Variants in OMA1 observed in about 807,000 individuals in gnomAD.
OMA1 encodes the protein metalloendopeptidase OMA1, mitochondrial.
OMA1 carries 38 observed loss-of-function variants against 30.9 expected under a neutral mutation model. That is an observed-to-expected ratio of 1.23 (90% CI 0.95 to 1.61). The LOEUF (loss-of-function observed/expected upper bound fraction) is 1.61. OMA1 is among the 40% of genes most tolerant of loss of function. The probability of loss-of-function intolerance (pLI) is 0.00; values close to 1 mark genes in which losing one functional copy is unlikely to be tolerated. For synonymous variants in OMA1, 173 were observed against 121.9 expected (o/e 1.42, Z -2.76); for missense variants, 461 against 349.2 (o/e 1.32, Z -2.55).
At chr1:58,501,190 G>T (rs1645901465) in intron 8 of OMA1, among the ~76,000 whole-genome samples, 1 of 152,034 alleles carries the variant, frequency 6.6e-6, no homozygotes, top group African/African-American at 2.4e-5. Context: ...TGGATCACAA[G>T]ATTATATTTA....
chr1:58,510,141 C>G (rs954241600), intron 7 of OMA1, among the ~76,000 whole-genome samples: 2 of 135,738 alleles, frequency 1.5e-5, no homozygotes, highest in Admixed American at 1.4e-4. Flanking sequence ...TTTTATGAGG[C>G]CAGCCATTAC....
intron 7 of OMA1, among the ~76,000 whole-genome samples, chr1:58,506,818 T>C (rs1645997144): frequency 6.6e-6 from 1 of 152,146 alleles, no homozygotes; most frequent in African/African-American, 2.4e-5. Context: ...TACCCAATTT[T>C]CTCAATGTAT....
At chr1:58,538,256 C>G (rs984344685) in intron 2 of OMA1, among the ~76,000 whole-genome samples, 2 of 151,748 alleles carry the variant, frequency 1.3e-5, no homozygotes, top group African/African-American at 4.8e-5. Flanking sequence ...TAAAGGATCA[C>G]CAAGGAAAAA....
chr1:58,536,208 C>T (rs1039518872), intron 3 of OMA1, among the ~76,000 whole-genome samples: 2 of 152,084 alleles, frequency 1.3e-5, no homozygotes, highest in African/African-American at 4.8e-5. Flanking sequence ...ATGAAGGATA[C>T]CTCCTAGGGC....
rs1449117017 is a variant in OMA1, at chr1:58,527,302, C to G, written c.1174G>C (p.Glu392Gln). Residue 392 changes from glutamate to glutamine, a missense_variant, in exon 7 of 9, where the codon GAG becomes CAG. Physicochemically the swap from Glu to Gln is conservative, Grantham distance 29. Coordinates refer to ENST00000371226, the MANE Select transcript of OMA1 (RefSeq NM_145243.5). ...MFNRPYSRKL[E>Q]AEADKIGLLL... ...AGTCCAATTTTGTCAGCTTCGGCCTCCAATTTTCTGCTGTATGGTCTATTA... is the reference window on the plus strand; with the variant it reads ...AGTCCAATTTTGTCAGCTTCGGCCTGCAATTTTCTGCTGTATGGTCTATTA... The G allele has an allele frequency of 1.1e-6, 1 of 872,122 alleles. No individual in the cohort carries two copies. Among genetic ancestry groups the G allele is most frequent in the African/African-American group, 1.6e-5 (1 of 61,276 alleles). 54.0% of individuals were successfully genotyped at this position (872,122 alleles called of 1,614,324 possible).
At chr1:58,501,867 C>T (rs750191253) in intron 8 of OMA1, among the ~76,000 whole-genome samples, 1 of 152,034 alleles carries the variant, frequency 6.6e-6, no homozygotes, top group African/African-American at 2.4e-5. Context: ...GGGCCCTGAT[C>T]GAATAGGATT....
intron 8 of OMA1, among the ~76,000 whole-genome samples, chr1:58,498,619 A>G (rs985865646): frequency 2.6e-5 from 4 of 151,960 alleles, no homozygotes; most frequent in African/African-American, 9.7e-5. Context: ...AACAGAACAA[A>G]AACTCTATAA....
chr1:58,543,484 T>C (rs570928666), intron 1 of OMA1, among the ~76,000 whole-genome samples: 1 of 152,314 alleles, frequency 6.6e-6, no homozygotes, highest in South Asian at 2.1e-4. Context: ...TTTCCTGGGC[T>C]CTGTGGTCTT....
chr1:58,505,979 T>G (rs1341089367), intron 8 of OMA1, 81 bp downstream of exon 8: 1 of 743,928 alleles, frequency 1.3e-6, no homozygotes, highest in Non-Finnish European at 2.4e-6. Context: ...GAACTCTCTT[T>G]TACTAAGCAA....
At chr1:58,491,077 G>A (rs183903628) in intron 8 of OMA1, among the ~76,000 whole-genome samples, 28 of 152,154 alleles carry the variant, frequency 1.8e-4, no homozygotes, top group Middle Eastern at 3.4e-3. Context: ...AAAGTGCTGA[G>A]ATTACAGGCG....
intron 1 of OMA1, among the ~76,000 whole-genome samples, chr1:58,542,284 A>C (rs1184730348): frequency 2.0e-5 from 3 of 152,242 alleles, no homozygotes; most frequent in Admixed American, 6.5e-5. Flanking sequence ...AAATTGTTAA[A>C]TAATTTAAGC....
chr1:58,518,116 G>A (rs1201924758), intron 7 of OMA1, among the ~76,000 whole-genome samples: 3 of 150,048 alleles, frequency 2.0e-5, no homozygotes. Context: ...AACACAGGAG[G>A]TGGTGGTTGC....
intron 8 of OMA1, among the ~76,000 whole-genome samples, chr1:58,490,304 T>G: frequency 6.6e-6 from 1 of 152,136 alleles, no homozygotes; most frequent in East Asian, 1.9e-4. Context: ...TGCACAAGCC[T>G]CAGTAGCCGA....
At chr1:58,530,310 G>C (rs1646415302) in intron 6 of OMA1, among the ~76,000 whole-genome samples, 1 of 152,220 alleles carries the variant, frequency 6.6e-6, no homozygotes, top group Non-Finnish European at 1.5e-5. Flanking sequence ...GTCAGTGGCT[G>C]GGTTTTCTCT....
chr1:58,497,405 C>T (rs1219498388), intron 8 of OMA1, among the ~76,000 whole-genome samples: 1 of 152,100 alleles, frequency 6.6e-6, no homozygotes, highest in Non-Finnish European at 1.5e-5. Flanking sequence ...CTATGAGTTT[C>T]CTTAGGCATG....
intron 1 of OMA1, among the ~76,000 whole-genome samples, chr1:58,544,843 C>T (rs2100506463): frequency 6.6e-6 from 1 of 152,322 alleles, no homozygotes; most frequent in East Asian, 1.9e-4. Context: ...ATCTGCTCAC[C>T]TCGGTCTCCC....
At chr1:58,543,868 ACT>A (rs1284495600) in intron 1 of OMA1, among the ~76,000 whole-genome samples, 3 of 152,376 alleles carry the variant, frequency 2.0e-5, no homozygotes, top group African/African-American at 7.2e-5. Flanking sequence ...TCATGTCTGC[ACT>A]GTCCAATAAG....
At position 58,521,637 on chromosome 1, in the gene OMA1, A is replaced by T. The variant is rs553909890; in HGVS notation, c.1215+5624T>A. ...TCAGACATTAAAATATAATAAGAGT[A>T]TATTAAAACAACTTCATGCCAATGA... On this transcript the variant is annotated intron_variant, in intron 7 of 8. Transcript: ENST00000371226. Among the ~76,000 whole-genome samples, 30 of 152,234 alleles carry T rather than the reference A, an allele frequency of 2.0e-4. No individual in the cohort carries two copies. In the South Asian group the frequency reaches 6.2e-3, roughly 32 times the overall value.
rs116096925 is a variant in OMA1, at chr1:58,543,989, G to A, written c.-17+2714C>T. Among the ~76,000 whole-genome samples the A allele has an allele frequency of 8.5e-3, 1,290 of 152,224 alleles. 16 individuals are homozygous for A. The highest frequency in any genetic ancestry group is 0.029 in the African/African-American group (1,203 of 41,520). Reference sequence around the variant, plus strand: ...ATATGTGGCTAGTGTCTACTGTATCGCACAGTACAGGTTTGTAGGGTCCAG... The same window carrying A: ...ATATGTGGCTAGTGTCTACTGTATCACACAGTACAGGTTTGTAGGGTCCAG... On this transcript the variant is annotated intron_variant, in intron 1 of 8. Coordinates refer to ENST00000371226, the MANE Select transcript of OMA1 (RefSeq NM_145243.5).
Sources: allele counts gnomAD v4.1 joint callset (sites outside exome capture counted in the v4.1 genomes callset), GRCh38; gene constraint gnomAD v4.1.1; transcripts MANE v1.5; gene names NCBI Gene and HGNC (gene_info 2026-07-23, HGNC 2026-07-21).